The following SLC39A12 variants were observed in gnomAD, a reference collection of about 807,000 sequenced individuals.
The protein encoded by SLC39A12 is zinc transporter ZIP12.
SLC39A12 carries 63 observed loss-of-function variants against 71.1 expected under a neutral mutation model. The ratio of observed to expected loss-of-function variants is 0.89; its 90% CI spans 0.72 to 1.09. The LOEUF (loss-of-function observed/expected upper bound fraction) is 1.09. Ranked by LOEUF, SLC39A12 falls within the 50% of genes least tolerant of loss-of-function variation. The pLI, the probability that SLC39A12 is intolerant of heterozygous loss-of-function variation, is 0.00. For missense variants in SLC39A12, 892 were observed against 812.6 expected (o/e 1.10, Z -1.19); for synonymous variants, 351 against 301.3 (o/e 1.16, Z -1.71).
At position 17,991,216 on chromosome 10, in the gene SLC39A12, T is replaced by C. The variant is rs768768665; in HGVS notation, c.1335T>C (p.Ile445=). 36 of 1,600,934 alleles carry C rather than the reference T, an allele frequency of 2.2e-5. No individual in the cohort carries two copies. Among genetic ancestry groups the C allele is most frequent in the Non-Finnish European group, 3.0e-5 (35 of 1,175,086 alleles). The change falls in exon 8 of 13, where the codon ATT becomes ATC. Residue 445 remains isoleucine (I), a synonymous_variant. Coordinates refer to ENST00000377369, the MANE Select transcript of SLC39A12 (RefSeq NM_001145195.2). ...FGHFHESKGH[I]WKLMGLIGGI... is the part of the protein sequence containing the mutation. The stretch of plus-strand genomic sequence containing the variant: ...ATTTCCATGAAAGCAAAGGTCATAT[T>C]TGGAAACTGATGGGATTAATTGGAG...
chr10:18,009,609 C>T (rs1742141542), intron 12 of SLC39A12: 1 of 152,204 alleles, frequency 6.6e-6, no homozygotes, highest in Non-Finnish European at 1.5e-5. Context: ...ACTTTGCAGG[C>T]AGGGGATTGG....
rs11011688 is a variant in SLC39A12, at chr10:17,955,700, C to T, written c.261+2163C>T. ...GGGAGTAAAAATGCTTCCAATTTTA[C>T]GTCTGTATAAAAAGTGAATTTTTTA... On this transcript the variant is annotated intron_variant, in intron 2 of 12. Transcript: ENST00000377369. Among the ~76,000 whole-genome samples the T allele has an allele frequency of 5.4e-3, 815 of 152,162 alleles. 10 individuals carry two copies. Among genetic ancestry groups the T allele is most frequent in the African/African-American group, 0.019 (771 of 41,518 alleles).
At chr10:18,014,029 C>T (rs1471688285) in intron 12 of SLC39A12, among the ~76,000 whole-genome samples, 6 of 151,994 alleles carry the variant, frequency 3.9e-5, no homozygotes, top group Non-Finnish European at 7.4e-5. Flanking sequence ...GTAGAGATTA[C>T]GTTTAGTCTG....
intron 6 of SLC39A12, among the ~76,000 whole-genome samples, chr10:17,983,678 A>C (rs1443618439): frequency 1.3e-5 from 2 of 152,022 alleles, no homozygotes; most frequent in African/African-American, 4.8e-5. Context: ...GCTACTCGGG[A>C]GGCTGAGGCA....
chr10:18,010,159 C>T (rs944203745), intron 12 of SLC39A12, among the ~76,000 whole-genome samples: 4 of 151,984 alleles, frequency 2.6e-5, no homozygotes, highest in South Asian at 4.1e-4. Flanking sequence ...ATCTAGACTC[C>T]GAGGCAATTC....
At chr10:18,033,017 A>G (rs1836894454) in intron 12 of SLC39A12, among the ~76,000 whole-genome samples, 3 of 151,532 alleles carry the variant, frequency 2.0e-5, no homozygotes, top group African/African-American at 4.9e-5. Context: ...ATCATGGTGG[A>G]TAAGCTTTTG....
At chr10:17,969,905 T>C (rs1690599788) in intron 4 of SLC39A12, among the ~76,000 whole-genome samples, 1 of 152,218 alleles carries the variant, frequency 6.6e-6, no homozygotes, top group Admixed American at 6.5e-5. Context: ...TTGTAGTATT[T>C]CATAGTCTGA....
chr10:18,006,196 T>A (rs1020175805), intron 12 of SLC39A12, among the ~76,000 whole-genome samples: 1 of 152,218 alleles, frequency 6.6e-6, no homozygotes, highest in Admixed American at 6.5e-5. Flanking sequence ...TCTTTGTTTG[T>A]TTGTTTTAAA....
intron 8 of SLC39A12, among the ~76,000 whole-genome samples, chr10:17,992,113 AAG>A (rs1461742097): frequency 6.6e-6 from 1 of 151,264 alleles, no homozygotes. Context: ...AAAAAAACAA[AAG>A]AAAAAATAAA....
chr10:17,981,187 G>C (rs1297216901), intron 5 of SLC39A12, 125 bp from the exon 6 acceptor site: 5 of 737,554 alleles, frequency 6.8e-6, no homozygotes, highest in Non-Finnish European at 1.1e-5. Flanking sequence ...AACACGTGTC[G>C]TACCGGCTTC....
rs1837043621 is a variant in SLC39A12, at chr10:18,036,767, TATATATATATATA to T, written c.1948-5937_1948-5925del. On this transcript the variant is annotated intron_variant, in intron 12 of 12. Coordinates refer to ENST00000377369, the MANE Select transcript of SLC39A12 (RefSeq NM_001145195.2). ...AAAATTATATATATATATATATATATATATATATATATATATATATATATATATTTTTTTTTTT... is the reference window on the plus strand; with the variant it reads ...AAAATTATATATATATATATATATATTATATATATATATATTTTTTTTTTT... Among the ~76,000 whole-genome samples the T allele has an allele frequency of 5.8e-5, 4 of 68,718 alleles. 1 individual carries two copies. Among genetic ancestry groups the T allele is most frequent in the African/African-American group, 1.3e-4 (2 of 15,702 alleles). 45.1% of individuals were successfully genotyped at this position (68,718 alleles called of 152,430 possible).
chr10:18,033,813 C>T (rs1252810271), intron 12 of SLC39A12, among the ~76,000 whole-genome samples: 1 of 151,348 alleles, frequency 6.6e-6, no homozygotes, highest in African/African-American at 2.4e-5. Context: ...CCTCTACACA[C>T]TGCTTTGAAT....
At chr10:18,029,094 A>G (rs1464684940) in intron 12 of SLC39A12, among the ~76,000 whole-genome samples, 2 of 144,876 alleles carry the variant, frequency 1.4e-5, no homozygotes, top group East Asian at 2.0e-4. Context: ...GATGGTCTCA[A>G]TCTCCTGAAC....
At chr10:17,983,138 C>T (rs2130812076) in intron 6 of SLC39A12, among the ~76,000 whole-genome samples, 1 of 132,662 alleles carries the variant, frequency 7.5e-6, no homozygotes, top group Admixed American at 8.8e-5. Context: ...CACTGCACTC[C>T]AGCCTGGGCG....
At chr10:17,989,880 T>C (rs1835498562) in intron 7 of SLC39A12, among the ~76,000 whole-genome samples, 2 of 151,756 alleles carry the variant, frequency 1.3e-5, no homozygotes, top group East Asian at 1.9e-4. Flanking sequence ...ATCATGCCAC[T>C]GCCCTGGGCA....
At chr10:17,968,964 C>G (rs1305780784) in intron 4 of SLC39A12, among the ~76,000 whole-genome samples, 1 of 152,150 alleles carries the variant, frequency 6.6e-6, no homozygotes, top group Non-Finnish European at 1.5e-5. Context: ...CCTCTGGAAA[C>G]CATCCTTCTA....
chr10:17,995,362 C>T (rs1246194630), intron 9 of SLC39A12, among the ~76,000 whole-genome samples: 1 of 152,192 alleles, frequency 6.6e-6, no homozygotes. Flanking sequence ...TAAAGGCTTA[C>T]ATAATTTACG....
chr10:17,977,891 G>C lies in SLC39A12; in HGVS notation c.752-11G>C, dbSNP rs752255828. ...TTCTATGTGACACCAGATTTTATAT[G>C]AAATTTCTAGAACTAGACCAACTCC... On this transcript the variant is annotated splice_polypyrimidine_tract_variant and intron_variant, in intron 4 of 12. Coordinates refer to ENST00000377369, the MANE Select transcript of SLC39A12 (RefSeq NM_001145195.2). 1.4e-5 allele frequency: 22 copies of C among 1,559,158 alleles called. No homozygotes were observed. The highest frequency in any genetic ancestry group is 4.1e-5 in the Admixed American group (2 of 48,768).
At chr10:18,032,669 A>C (rs1477517919) in intron 12 of SLC39A12, among the ~76,000 whole-genome samples, 5 of 151,272 alleles carry the variant, frequency 3.3e-5, no homozygotes, top group Admixed American at 3.3e-4. Context: ...TGCCCTGGCC[A>C]GAACTTCCAA....
Sources: allele counts gnomAD v4.1 joint callset (sites outside exome capture counted in the v4.1 genomes callset), GRCh38; gene constraint gnomAD v4.1.1; transcripts MANE v1.5; gene names NCBI Gene and HGNC (gene_info 2026-07-23, HGNC 2026-07-21).